The following SMG6 variants were observed in gnomAD, a reference collection of about 807,000 sequenced individuals.
SMG6 encodes the protein SMG6 nonsense mediated mRNA decay factor, also known as telomerase-binding protein EST1A.
A neutral mutation model predicts 142.2 loss-of-function variants in SMG6; 66 were observed. The ratio of observed to expected loss-of-function variants is 0.46; its 90% CI spans 0.38 to 0.57. SMG6 has a LOEUF of 0.57. Among genes scored for constraint, SMG6 ranks in the 20% least tolerant of loss-of-function variants. The pLI is 0.00. For synonymous variants in SMG6, 779 were observed against 702.4 expected (o/e 1.11, Z -1.72); for missense variants, 1,793 against 1,832.0 (o/e 0.98, Z 0.39).
intron 6 of SMG6, among the ~76,000 whole-genome samples, chr17:2,285,933 C>G (rs1208717349): frequency 1.3e-5 from 2 of 151,996 alleles, no homozygotes; most frequent in African/African-American, 4.8e-5. Flanking sequence ...CTCAGCCTCC[C>G]AAAGTGCTGG....
intron 8 of SMG6, among the ~76,000 whole-genome samples, chr17:2,280,155 T>A (rs1448843061): frequency 6.6e-6 from 1 of 151,928 alleles, no homozygotes; most frequent in Non-Finnish European, 1.5e-5. Context: ...GGACCTACTG[T>A]GAGAGAAAAA....
chr17:2,295,260 C>T (rs2075121416), intron 4 of SMG6, among the ~76,000 whole-genome samples: 3 of 152,180 alleles, frequency 2.0e-5, no homozygotes, highest in African/African-American at 4.8e-5. Context: ...CCATAAATCA[C>T]GCTGCTCTCC....
In SMG6 at chr17:2,283,609, C is replaced by A; in HGVS notation, c.2448+16G>T. ...ACTATTCGAGGAAGGAAGGGTTCTG[C>A]CACATCCCCACTCACCTTCCGCTTG... On this transcript the variant is annotated intron_variant, in intron 7 of 18. Coordinates refer to ENST00000263073, the MANE Select transcript of SMG6 (RefSeq NM_017575.5). 6.3e-7 allele frequency: 1 copy of A among 1,592,864 alleles called. No homozygotes were observed. The highest frequency in any genetic ancestry group is 8.6e-7 in the Non-Finnish European group (1 of 1,160,814).
intron 13 of SMG6, among the ~76,000 whole-genome samples, chr17:2,122,778 T>C (rs1216909451): frequency 6.6e-6 from 1 of 152,156 alleles, no homozygotes; most frequent in Non-Finnish European, 1.5e-5. Context: ...CCAGAGCAGC[T>C]GAAACATGTC....
chr17:2,103,486 CAGTTTAT>C (rs1020759391), intron 13 of SMG6, among the ~76,000 whole-genome samples: 1 of 152,174 alleles, frequency 6.6e-6, no homozygotes, highest in African/African-American at 2.4e-5. Flanking sequence ...AACAGCGGAC[CAGTTTAT>C]AAAGCTACAG....
At chr17:2,082,127 A>C in intron 14 of SMG6, 171 bp from the exon 15 acceptor site, 1 of 626,574 alleles carries the variant, frequency 1.6e-6, no homozygotes, top group Non-Finnish European at 2.8e-6. Flanking sequence ...GGAGGTTGAC[A>C]AAAGCTGTCA....
chr17:2,249,755 A>C (rs2074007244), intron 8 of SMG6, among the ~76,000 whole-genome samples: 1 of 152,224 alleles, frequency 6.6e-6, no homozygotes, highest in Non-Finnish European at 1.5e-5. Flanking sequence ...ACTGAAACAA[A>C]AATGCTTCTT....
At chr17:2,128,622 G>A (rs950544575) in intron 13 of SMG6, among the ~76,000 whole-genome samples, 3 of 152,042 alleles carry the variant, frequency 2.0e-5, no homozygotes, top group Non-Finnish European at 2.9e-5. Flanking sequence ...TCAGGAGTTC[G>A]AGACTAGCTT....
chr17:2,260,888 T>A (rs1017386803), intron 8 of SMG6, among the ~76,000 whole-genome samples: 7 of 151,648 alleles, frequency 4.6e-5, no homozygotes, highest in Non-Finnish European at 1.0e-4. Context: ...CCCAGCTACT[T>A]GAGAGGCTGA....
intron 8 of SMG6, among the ~76,000 whole-genome samples, chr17:2,273,731 A>G (rs959000114): frequency 3.3e-5 from 5 of 152,100 alleles, no homozygotes; most frequent in Non-Finnish European, 5.9e-5. Flanking sequence ...TGGGAGGCAG[A>G]GGTTGCAGTG....
rs368093982 is a variant in SMG6 at position 2,121,482 on chromosome 17, G to C, written c.3358-35581C>G. Among the ~76,000 whole-genome samples the C allele has an allele frequency of 3.1e-3, 477 of 152,162 alleles. 23 individuals are homozygous for C. The South Asian group carries it at 0.094, about 30-fold the overall frequency. On this transcript the variant is annotated intron_variant, in intron 13 of 18. Coordinates refer to ENST00000263073, the MANE Select transcript of SMG6 (RefSeq NM_017575.5). ...AATCTTGGTGGAAAAAATCAGAACAGAGCTTGCCTCTGGGGACAGAGGTGG... is the reference window on the plus strand; with the variant it reads ...AATCTTGGTGGAAAAAATCAGAACACAGCTTGCCTCTGGGGACAGAGGTGG...
chr17:2,175,331 G>A (rs1953120538), intron 12 of SMG6, among the ~76,000 whole-genome samples: 1 of 152,184 alleles, frequency 6.6e-6, no homozygotes, highest in Admixed American at 6.5e-5. Flanking sequence ...GGACATAGTT[G>A]GGGGTTGGGG....
chr17:2,242,380 A>T (rs2073826017), intron 9 of SMG6, among the ~76,000 whole-genome samples: 1 of 103,148 alleles, frequency 9.7e-6, no homozygotes, highest in Admixed American at 1.0e-4. Flanking sequence ...AAAAAAAAAA[A>T]TTAGTCGGGC....
intron 16 of SMG6, among the ~76,000 whole-genome samples, chr17:2,066,605 T>C (rs900969284): frequency 1.1e-4 from 16 of 147,102 alleles, no homozygotes; most frequent in African/African-American, 4.0e-4. Flanking sequence ...CTGGCACTCA[T>C]TGTCTGGGTA....
Position 2,085,695 on chromosome 17 carries a change from C to T in SMG6, c.3534+30G>A. ...GCAGAATGGGGAGGGGGCCTTCCCTCTGCCACAGCGGGCTCTTCCCGCATA... is the reference window on the plus strand; with the variant it reads ...GCAGAATGGGGAGGGGGCCTTCCCTTTGCCACAGCGGGCTCTTCCCGCATA... On this transcript the variant is annotated intron_variant, in intron 14 of 18. Coordinates refer to ENST00000263073, the MANE Select transcript of SMG6 (RefSeq NM_017575.5). The surrounding 1 kb of genome is among the most constrained non-coding windows in gnomAD (Gnocchi z 4.1). The T allele has an allele frequency of 1.3e-6, 2 of 1,591,964 alleles. No individual in the cohort carries two copies. The highest frequency in any genetic ancestry group is 1.7e-6 in the Non-Finnish European group (2 of 1,169,482).
In SMG6 at chr17:2,184,960, C is replaced by CAAAAAAAAAA. The variant is rs58230459; in HGVS notation, c.3155+1693_3155+1702dup. Reference sequence around the variant, plus strand: ...TGGGAGACAGAGCGGGACTCCATCTCAAAAAAAAAAAAAAAAAAAAAAAAA... The same window carrying CAAAAAAAAAA: ...TGGGAGACAGAGCGGGACTCCATCTCAAAAAAAAAAAAAAAAAAAAAAAAAAAAAAAAAAA... On this transcript the variant is annotated intron_variant, in intron 12 of 18. Coordinates refer to ENST00000263073, the MANE Select transcript of SMG6 (RefSeq NM_017575.5). 1.6e-3 allele frequency among the ~76,000 whole-genome samples: 37 copies of CAAAAAAAAAA among 22,476 alleles called. 9 individuals are homozygous for CAAAAAAAAAA. The highest frequency in any genetic ancestry group is 1.9e-3 in the African/African-American group (8 of 4,116). The allele number at this position is 22,476 out of a possible 152,430, so 14.7% of individuals were successfully genotyped here. A position where few individuals can be genotyped will look rare whatever the true frequency, so the allele number is the denominator to read the frequency against.
At chr17:2,217,776 C>T (rs372723470) in intron 10 of SMG6, among the ~76,000 whole-genome samples, 32 of 151,582 alleles carry the variant, frequency 2.1e-4, no homozygotes, top group Middle Eastern at 6.8e-3. Flanking sequence ...TTTGGGAGGC[C>T]GAGGCGGGCA....
chr17:2,208,056 G>A (rs187190202), intron 10 of SMG6, among the ~76,000 whole-genome samples: 1 of 152,236 alleles, frequency 6.6e-6, no homozygotes, highest in Admixed American at 6.5e-5. Flanking sequence ...TTAAGCCCAG[G>A]AGTTTGAGGC....
intron 10 of SMG6, among the ~76,000 whole-genome samples, chr17:2,227,441 G>A (rs1463134447): frequency 1.3e-5 from 2 of 152,172 alleles, no homozygotes; most frequent in Non-Finnish European, 2.9e-5. Context: ...AAATTACTAT[G>A]CTGAGCTAAA....
Sources: gnomAD v4.1 joint callset for allele counts (sites outside exome capture counted in the v4.1 genomes callset) on GRCh38, gnomAD v4.1.1 for gene constraint, Gnocchi (gnomAD v3.1) non-coding constraint, MANE v1.5 for transcripts, NCBI Gene and HGNC (gene_info 2026-07-23, HGNC 2026-07-21) for gene names.